AKAP19: variants seen among roughly 807,000 people sequenced by gnomAD.
AKAP19 encodes the protein A-kinase anchoring protein 19.
chr2:190,177,453 G>GCC, the AKAP19 span, among the ~76,000 whole-genome samples: 5 of 152,144 alleles, frequency 3.3e-5, no homozygotes, highest in Non-Finnish European at 7.3e-5. The surrounding 1 kb of genome is among the most constrained non-coding windows in gnomAD (Gnocchi z 4.6). Context: ...GCTTGTAAGA[G>GCC]CCCCAGTGGC....
chr2:190,045,942 G>A, the AKAP19 span, among the ~76,000 whole-genome samples: 2 of 152,198 alleles, frequency 1.3e-5, no homozygotes, highest in Non-Finnish European at 2.9e-5. Context: ...CTGGTGGAGT[G>A]GGTTCACAAG....
At chr2:190,105,821 T>C in the AKAP19 span, among the ~76,000 whole-genome samples, 1 of 152,152 alleles carries the variant, frequency 6.6e-6, no homozygotes, top group African/African-American at 2.4e-5. Flanking sequence ...TCACACTGTA[T>C]TGGGGTTTGG....
chr2:190,149,326 A>T, the AKAP19 span, among the ~76,000 whole-genome samples: 3 of 151,694 alleles, frequency 2.0e-5, no homozygotes, highest in East Asian at 5.8e-4. Context: ...AATTTCACTT[A>T]GTTCTCTGAT....
the AKAP19 span, chr2:189,930,368 T>C: frequency 2.2e-6 from 1 of 445,020 alleles, no homozygotes; most frequent in Non-Finnish European, 4.0e-6. Flanking sequence ...AGGTGGTAGA[T>C]GTACATGCAC....
At chr2:190,164,884 A>G in the AKAP19 span, among the ~76,000 whole-genome samples, 1 of 152,224 alleles carries the variant, frequency 6.6e-6, no homozygotes, top group Non-Finnish European at 1.5e-5. Flanking sequence ...TACTGTAAAT[A>G]CAGATGCTAT....
At chr2:189,894,090 G>A in the AKAP19 span, among the ~76,000 whole-genome samples, 11 of 152,136 alleles carry the variant, frequency 7.2e-5, no homozygotes, top group Non-Finnish European at 1.5e-4. Context: ...CAGAAAATGT[G>A]TTTACCAAAT....
At chr2:189,967,925 T>A in the AKAP19 span, among the ~76,000 whole-genome samples, 1 of 151,726 alleles carries the variant, frequency 6.6e-6, no homozygotes, top group Non-Finnish European at 1.5e-5. Context: ...AGTTAAAATA[T>A]TGGAGAGCAA....
the AKAP19 span, among the ~76,000 whole-genome samples, chr2:190,198,032 CTTCAG>C: frequency 3.3e-5 from 5 of 152,292 alleles, no homozygotes; most frequent in Non-Finnish European, 7.3e-5. Context: ...CAGTCCCCAT[CTTCAG>C]TTCAGGCTAG....
the AKAP19 span, among the ~76,000 whole-genome samples, chr2:190,168,571 C>T: frequency 2.6e-5 from 4 of 152,194 alleles, no homozygotes; most frequent in Admixed American, 1.3e-4. Context: ...CTTTTATGCT[C>T]TGCTTCCCTC....
chr2:190,075,124 G>A, the AKAP19 span, among the ~76,000 whole-genome samples: 10 of 152,150 alleles, frequency 6.6e-5, no homozygotes, highest in South Asian at 1.2e-3. Context: ...AAAATATTTC[G>A]TAATTTTTCT....
At chr2:190,042,242 T>A in the AKAP19 span, among the ~76,000 whole-genome samples, 1 of 152,168 alleles carries the variant, frequency 6.6e-6, no homozygotes, top group African/African-American at 2.4e-5. Flanking sequence ...TGGCTCAGTG[T>A]TGGGAGGATA....
At chr2:189,906,830 C>T in the AKAP19 span, among the ~76,000 whole-genome samples, 1 of 151,968 alleles carries the variant, frequency 6.6e-6, no homozygotes, top group African/African-American at 2.4e-5. Flanking sequence ...AAAGTATTTG[C>T]CTGATACATA....
chr2:190,072,786 C>G, the AKAP19 span, among the ~76,000 whole-genome samples: 2 of 152,082 alleles, frequency 1.3e-5, no homozygotes, highest in Non-Finnish European at 2.9e-5. Flanking sequence ...AGTGTTATCA[C>G]AGAATGTGTA....
At chr2:190,187,156 T>A in the AKAP19 span, among the ~76,000 whole-genome samples, 7 of 151,400 alleles carry the variant, frequency 4.6e-5, no homozygotes, top group South Asian at 2.1e-4. Flanking sequence ...GAAAGACATT[T>A]TATATATATA....
chr2:189,893,911 C>G, the AKAP19 span, among the ~76,000 whole-genome samples: 10 of 152,070 alleles, frequency 6.6e-5, no homozygotes, highest in African/African-American at 1.9e-4. Context: ...TGGAACTAAT[C>G]CCCTGGGCAT....
At chr2:190,056,575 A>G in the AKAP19 span, 1 of 152,622 alleles carries the variant, frequency 6.6e-6, no homozygotes, top group Non-Finnish European at 1.5e-5. Context: ...AAGAAAATCC[A>G]TTCCTCATTT....
At chr2:189,904,428 T>A in the AKAP19 span, among the ~76,000 whole-genome samples, 1 of 152,166 alleles carries the variant, frequency 6.6e-6, no homozygotes, top group Admixed American at 6.6e-5. Flanking sequence ...GTGCCAATTA[T>A]ACTTTGTCAT....
the AKAP19 span, among the ~76,000 whole-genome samples, chr2:190,105,281 CA>C: frequency 6.6e-6 from 1 of 152,106 alleles, no homozygotes; most frequent in Non-Finnish European, 1.5e-5. Flanking sequence ...ATATATATCT[CA>C]AATAATTATT....
the AKAP19 span, among the ~76,000 whole-genome samples, chr2:190,151,194 A>G: frequency 6.6e-6 from 1 of 152,144 alleles, no homozygotes; most frequent in Non-Finnish European, 1.5e-5. Context: ...ACATTTGACT[A>G]TTATGCTATC....
Sources: allele counts gnomAD v4.1 joint callset (sites outside exome capture counted in the v4.1 genomes callset), GRCh38; gene constraint gnomAD v4.1.1; non-coding constraint Gnocchi (gnomAD v3.1); transcripts MANE v1.5; gene names NCBI Gene and HGNC (gene_info 2026-07-23, HGNC 2026-07-21).